CACNA2D4: variants seen among roughly 807,000 people sequenced by gnomAD.
CACNA2D4 encodes the protein calcium voltage-gated channel auxiliary subunit alpha2delta 4.
CACNA2D4 carries 157 observed loss-of-function variants against 163.8 expected under a neutral mutation model. That is an observed-to-expected ratio of 0.96 (90% CI 0.84 to 1.09). CACNA2D4 has a LOEUF of 1.09. Ranked by LOEUF, CACNA2D4 falls within the 50% of genes least tolerant of loss-of-function variation. CACNA2D4 has a pLI of 0.00. For synonymous variants in CACNA2D4, 598 were observed against 586.9 expected (o/e 1.02, Z -0.27); for missense variants, 1,410 against 1,479.9 (o/e 0.95, Z 0.78).
At chr12:1,839,614 G>A (rs1864966397) in intron 26 of CACNA2D4, among the ~76,000 whole-genome samples, 2 of 152,340 alleles carry the variant, frequency 1.3e-5, no homozygotes, top group South Asian at 4.1e-4. Context: ...CTGTAAAGTA[G>A]AGCCAGAACC....
chr12:1,800,490 GC>G (rs111637110), intron 31 of CACNA2D4, 52 bp from the exon 32 acceptor site: 15,634 of 1,321,384 alleles, frequency 0.012, 5 homozygotes, highest in East Asian at 0.021. Flanking sequence ...GGGTGAGGGT[GC>G]CCCCCCCCCA....
rs1009136295 is a variant in CACNA2D4, at chr12:1,820,399, C to T, written c.2552-8676G>A. On this transcript the variant is annotated intron_variant, in intron 26 of 37. Coordinates refer to ENST00000382722, the MANE Select transcript of CACNA2D4 (RefSeq NM_172364.5). The surrounding 1 kb of genome is among the most constrained non-coding windows in gnomAD (Gnocchi z 6.0). ...GCCAGGGTGAGCGCTGCCCTCGCGG[C>T]CGGCCGTGGTGCCTCTGGTGTGCGC... 7 of 152,266 alleles carry T rather than the reference C, an allele frequency of 4.6e-5. No individual in the cohort carries two copies. Among genetic ancestry groups the T allele is most frequent in the Non-Finnish European group, 1.0e-4 (7 of 68,056 alleles). 9.4% of individuals were successfully genotyped at this position (152,266 alleles called of 1,614,324 possible).
chr12:1,879,966 C>A (rs1301871033), intron 13 of CACNA2D4, 85 bp from the exon 14 acceptor site: 8 of 744,408 alleles, frequency 1.1e-5, no homozygotes, highest in Non-Finnish European at 1.8e-5. Context: ...TGCGGAGAAC[C>A]CACAGTCACC....
chr12:1,918,312 C>T lies in CACNA2D4; in HGVS notation c.162G>A (p.Leu54=). The T allele has an allele frequency of 2.5e-6, 4 of 1,610,412 alleles. No homozygotes were observed. Among genetic ancestry groups the T allele is most frequent in the Non-Finnish European group, 3.4e-6 (4 of 1,178,326 alleles). The stretch of plus-strand genomic sequence containing the variant: ...GGGAGGTGCCTAGAAGCAGCAGCCA[C>T]AGGAGGGCCGAGGTCTTCTGCACAA... ...WAFVQKTSAL[L]WLLLLGTSLS... Residue 54 remains leucine (L), a synonymous_variant, in exon 1 of 38, where the codon CTG becomes CTA. Coordinates refer to ENST00000382722, the MANE Select transcript of CACNA2D4 (RefSeq NM_172364.5).
chr12:1,796,697 A>G (rs1320559684), intron 35 of CACNA2D4, among the ~76,000 whole-genome samples: 3 of 152,154 alleles, frequency 2.0e-5, no homozygotes, highest in Non-Finnish European at 4.4e-5. Flanking sequence ...CAGGTGCCGC[A>G]CTGTTAAATG....
At chr12:1,871,503 G>T (rs1865779496) in intron 18 of CACNA2D4, among the ~76,000 whole-genome samples, 1 of 151,298 alleles carries the variant, frequency 6.6e-6, no homozygotes, top group Non-Finnish European at 1.5e-5. Context: ...ACATGTGTGT[G>T]TTGCTGGTGT....
At chr12:1,870,793 A>G (rs1865753280) in intron 18 of CACNA2D4, among the ~76,000 whole-genome samples, 1 of 152,080 alleles carries the variant, frequency 6.6e-6, no homozygotes, top group African/African-American at 2.4e-5. Flanking sequence ...GTTAACAGAA[A>G]GAGAGAGCGC....
At chr12:1,852,693 T>C (rs2154448226) in intron 23 of CACNA2D4, among the ~76,000 whole-genome samples, 1 of 152,322 alleles carries the variant, frequency 6.6e-6, no homozygotes, top group Admixed American at 6.5e-5. Flanking sequence ...TTAAAAATCA[T>C]CACTGACTAA....
In CACNA2D4 at chr12:1,859,072, T is replaced by C. The variant is rs917853856; in HGVS notation, c.1941-428A>G. Among the ~76,000 whole-genome samples, 17 of 152,334 alleles carry C rather than the reference T, an allele frequency of 1.1e-4. No homozygotes were observed. In the East Asian group the frequency reaches 1.5e-3, roughly 14 times the overall value. ...ACATCAGTTTTGAGCCTTGGCTGAA[T>C]ATCTGACTTTCTTGGGGAACTTTAA... is the stretch of plus-strand genomic sequence containing the variant. On this transcript the variant is annotated intron_variant, in intron 19 of 37. Coordinates refer to ENST00000382722, the MANE Select transcript of CACNA2D4 (RefSeq NM_172364.5).
At chr12:1,817,289 G>A (rs1863906726) in intron 26 of CACNA2D4, among the ~76,000 whole-genome samples, 1 of 152,206 alleles carries the variant, frequency 6.6e-6, no homozygotes, top group Non-Finnish European at 1.5e-5. Flanking sequence ...TCACTAGCTA[G>A]CTAGTCACTG....
chr12:1,850,884 A>C (rs1430310294), intron 23 of CACNA2D4, among the ~76,000 whole-genome samples: 1 of 14,554 alleles, frequency 6.9e-5, no homozygotes, highest in East Asian at 0.031. Context: ...TCCGTCTCAA[A>C]AAAAAAAAAA....
chr12:1,803,855 A>G (rs1863422115), intron 29 of CACNA2D4, among the ~76,000 whole-genome samples: 1 of 152,358 alleles, frequency 6.6e-6, no homozygotes, highest in East Asian at 1.9e-4. Context: ...ACTCTCAGAC[A>G]TGGCTGGCTG....
chr12:1,832,492 A>G (rs1864678546), intron 26 of CACNA2D4, among the ~76,000 whole-genome samples: 1 of 152,246 alleles, frequency 6.6e-6, no homozygotes, highest in Non-Finnish European at 1.5e-5. Context: ...AAGATGCTCA[A>G]TGAATGTTTG....
chr12:1,814,710 C>G (rs904886876), intron 26 of CACNA2D4, among the ~76,000 whole-genome samples: 1 of 152,208 alleles, frequency 6.6e-6, no homozygotes, highest in African/African-American at 2.4e-5. Flanking sequence ...TCCACCGTTA[C>G]CACCCTTGGC....
At chr12:1,810,238 G>A (rs748818559) in intron 29 of CACNA2D4, 40 bp downstream of exon 29, 1 of 1,547,690 alleles carries the variant, frequency 6.5e-7, no homozygotes, top group Admixed American at 1.7e-5. Flanking sequence ...CAGTCCTCCT[G>A]CCGCCCTCTC....
intron 26 of CACNA2D4, among the ~76,000 whole-genome samples, chr12:1,821,865 G>A (rs1048214531): frequency 6.6e-6 from 1 of 152,076 alleles, no homozygotes; most frequent in African/African-American, 2.4e-5. Context: ...TTTCTGGGGG[G>A]TGTTGGCACC....
intron 26 of CACNA2D4, chr12:1,827,783 C>G (rs1434633379): frequency 4.0e-6 from 1 of 247,124 alleles, no homozygotes; most frequent in Non-Finnish European, 7.7e-6. Context: ...GATCAACATA[C>G]TCGGGAGGCA....
In CACNA2D4 at chr12:1,878,506, G is replaced by A. The variant is rs1306096076; in HGVS notation, c.1645-117C>T. The A allele has an allele frequency of 1.3e-6, 2 of 1,533,818 alleles. No homozygotes were observed. The highest frequency in any genetic ancestry group is 1.8e-6 in the Non-Finnish European group (2 of 1,137,560). On this transcript the variant is annotated intron_variant, in intron 15 of 37. Coordinates refer to ENST00000382722, the MANE Select transcript of CACNA2D4 (RefSeq NM_172364.5). The surrounding 1 kb of genome is among the most constrained non-coding windows in gnomAD (Gnocchi z 4.6). Reference sequence around the variant, plus strand: ...AAGATGGCAGCTCACAGCAGTGAGTGTTTTCAATAGGAACGTAACTGAGCC... The same window carrying A: ...AAGATGGCAGCTCACAGCAGTGAGTATTTTCAATAGGAACGTAACTGAGCC...
At chr12:1,881,737 G>T (rs1331481080) in intron 13 of CACNA2D4, among the ~76,000 whole-genome samples, 1 of 152,248 alleles carries the variant, frequency 6.6e-6, no homozygotes, top group Non-Finnish European at 1.5e-5. Flanking sequence ...AAGGCAGCCA[G>T]CTCGTCTCTT....
Sources: gnomAD v4.1 joint callset for allele counts (sites outside exome capture counted in the v4.1 genomes callset) on GRCh38, gnomAD v4.1.1 for gene constraint, Gnocchi (gnomAD v3.1) non-coding constraint, MANE v1.5 for transcripts, NCBI Gene and HGNC (gene_info 2026-07-23, HGNC 2026-07-21) for gene names.